SPATA16: variants seen among roughly 807,000 people sequenced by gnomAD.
SPATA16 encodes spermatogenesis associated 16.
SPATA16 carries 36 observed loss-of-function variants against 63.3 expected under a neutral mutation model. The ratio of observed to expected loss-of-function variants is 0.57; its 90% CI spans 0.44 to 0.75. The LOEUF (loss-of-function observed/expected upper bound fraction) is 0.75. Among genes scored for constraint, SPATA16 ranks in the 30% least tolerant of loss-of-function variants. SPATA16 has a pLI of 0.00. For synonymous variants in SPATA16, 203 were observed against 216.7 expected (o/e 0.94, Z 0.56); for missense variants, 646 against 679.3 (o/e 0.95, Z 0.54).
chr3:173,066,963 AT>A (rs1250837613), intron 2 of SPATA16, among the ~76,000 whole-genome samples: 2 of 140,816 alleles, frequency 1.4e-5, no homozygotes, highest in African/African-American at 2.9e-5. Context: ...AGAAACAAAG[AT>A]TTTTAAATAA....
chr3:173,107,525 C>T (rs949398094), intron 2 of SPATA16, among the ~76,000 whole-genome samples: 23 of 151,140 alleles, frequency 1.5e-4, no homozygotes, highest in South Asian at 4.2e-4. Flanking sequence ...ATCTCTTAGG[C>T]GGAAACAAAG....
intron 6 of SPATA16, among the ~76,000 whole-genome samples, chr3:172,947,142 T>C (rs1486399474): frequency 6.6e-6 from 1 of 152,196 alleles, no homozygotes; most frequent in African/African-American, 2.4e-5. Context: ...TACAGGACTT[T>C]AGGTGCCCCC....
At chr3:172,925,227 A>C in intron 7 of SPATA16, 119 bp downstream of exon 7, 4 of 1,110,972 alleles carry the variant, frequency 3.6e-6, no homozygotes, top group South Asian at 2.8e-5. Context: ...AATTCCAGGT[A>C]TTGTTAACTA....
intron 1 of SPATA16, among the ~76,000 whole-genome samples, chr3:173,136,949 C>A (rs1738562200): frequency 6.6e-6 from 1 of 152,136 alleles, no homozygotes; most frequent in South Asian, 2.1e-4. Flanking sequence ...AAAATGGTGA[C>A]CACTTGAGAG....
intron 2 of SPATA16, among the ~76,000 whole-genome samples, chr3:173,072,118 A>G (rs959390265): frequency 6.6e-6 from 1 of 151,996 alleles, no homozygotes; most frequent in Admixed American, 6.5e-5. Context: ...GCATTCACAC[A>G]TCCATCCCTG....
chr3:172,912,246 A>T (rs1732385043), intron 10 of SPATA16, among the ~76,000 whole-genome samples: 1 of 152,192 alleles, frequency 6.6e-6, no homozygotes, highest in Non-Finnish European at 1.5e-5. Flanking sequence ...AGACAAGGCT[A>T]TTCTGCCATT....
chr3:172,911,500 T>G (rs1354018884), intron 10 of SPATA16, among the ~76,000 whole-genome samples: 1 of 152,252 alleles, frequency 6.6e-6, no homozygotes, highest in Non-Finnish European at 1.5e-5. Context: ...CTGTTCTCCT[T>G]TGCTTCTTCA....
chr3:172,965,179 T>C (rs543357784), intron 5 of SPATA16, among the ~76,000 whole-genome samples: 86 of 152,202 alleles, frequency 5.7e-4, no homozygotes, highest in Non-Finnish European at 1.1e-3. Context: ...GAAAACTTAG[T>C]CTGTAAAGAG....
intron 2 of SPATA16, among the ~76,000 whole-genome samples, chr3:173,082,865 G>GT (rs1187425704): frequency 2.0e-5 from 3 of 151,514 alleles, no homozygotes; most frequent in Non-Finnish European, 4.4e-5. Context: ...AGTCATCCAA[G>GT]TTTTTTTTTC....
chr3:173,053,043 T>G (rs1736138834), intron 2 of SPATA16, among the ~76,000 whole-genome samples: 1 of 152,160 alleles, frequency 6.6e-6, no homozygotes, highest in Admixed American at 6.5e-5. Flanking sequence ...GTTGTTTTGA[T>G]AAGAACCTAG....
chr3:173,017,243 CATAACCAAGA>C (rs1397347218), intron 4 of SPATA16, among the ~76,000 whole-genome samples: 1 of 152,136 alleles, frequency 6.6e-6, no homozygotes, highest in African/African-American at 2.4e-5. Flanking sequence ...TGCACACCAG[CATAACCAAGA>C]ATTACCAGGA....
chr3:173,011,500 A>C (rs1020096551), intron 4 of SPATA16, among the ~76,000 whole-genome samples: 1 of 152,240 alleles, frequency 6.6e-6, no homozygotes, highest in Non-Finnish European at 1.5e-5. Flanking sequence ...GCTGTAGACC[A>C]GCCAGCAACC....
At chr3:173,025,050 G>A (rs1163630131) in intron 3 of SPATA16, among the ~76,000 whole-genome samples, 1 of 150,598 alleles carries the variant, frequency 6.6e-6, no homozygotes, top group South Asian at 2.1e-4. Context: ...TTTCAAAAGG[G>A]TATTTTTTTC....
chr3:172,941,362 C>T (rs1733143259), intron 6 of SPATA16, among the ~76,000 whole-genome samples: 1 of 152,046 alleles, frequency 6.6e-6, no homozygotes, highest in Non-Finnish European at 1.5e-5. Context: ...AACACAGTGA[C>T]CAAGCAGGTT....
chr3:172,996,660 A>G (rs954609855), intron 4 of SPATA16, among the ~76,000 whole-genome samples: 1 of 152,096 alleles, frequency 6.6e-6, no homozygotes, highest in Non-Finnish European at 1.5e-5. Context: ...ATCATCACCT[A>G]AAGTCTACAA....
intron 6 of SPATA16, among the ~76,000 whole-genome samples, chr3:172,945,727 C>T (rs997313452): frequency 7.2e-5 from 11 of 152,258 alleles, no homozygotes; most frequent in African/African-American, 2.4e-4. Flanking sequence ...TCCATCCCAG[C>T]GGTCAGAACC....
Position 173,124,993 on chromosome 3 carries a change from C to T in SPATA16, c.-18-7244G>A, listed in dbSNP as rs76355895. ...TCCTAAAACATCAAAATTGTATACTCCTCTGTCCATGTGACATCTAATATA... is the reference window on the plus strand; with the variant it reads ...TCCTAAAACATCAAAATTGTATACTTCTCTGTCCATGTGACATCTAATATA... On this transcript the variant is annotated intron_variant, in intron 1 of 10. Coordinates refer to ENST00000351008, the MANE Select transcript of SPATA16 (RefSeq NM_031955.6). Among the ~76,000 whole-genome samples, 908 of 152,272 alleles carry T rather than the reference C, an allele frequency of 6.0e-3. 12 individuals are homozygous for T. The highest frequency in any genetic ancestry group is 0.021 in the African/African-American group (860 of 41,546).
chr3:173,140,961 T>C (rs1018431363), intron 1 of SPATA16, 142 bp downstream of exon 1: 1 of 152,224 alleles, frequency 6.6e-6, no homozygotes, highest in African/African-American at 2.4e-5. Context: ...ACATTCCTCA[T>C]TCCTCGCGTG....
At chr3:172,969,773 C>T (rs1007685248) in intron 5 of SPATA16, among the ~76,000 whole-genome samples, 1 of 152,156 alleles carries the variant, frequency 6.6e-6, no homozygotes, top group African/African-American at 2.4e-5. Context: ...GAAGAATCTA[C>T]CCTTTGCTCT....
Sources: gnomAD v4.1 joint callset for allele counts (sites outside exome capture counted in the v4.1 genomes callset) on GRCh38, gnomAD v4.1.1 for gene constraint, MANE v1.5 for transcripts, NCBI Gene and HGNC (gene_info 2026-07-23, HGNC 2026-07-21) for gene names.